BACE2: variants seen among roughly 807,000 people sequenced by gnomAD.
BACE2 encodes beta-secretase 2.
Under a neutral mutation model 46.2 loss-of-function variants are expected in BACE2, and 17 were observed. The ratio of observed to expected loss-of-function variants is 0.37; its 90% confidence interval spans 0.25 to 0.55. The LOEUF (loss-of-function observed/expected upper bound fraction) is 0.55. Ranked by LOEUF, BACE2 falls within the 20% of genes least tolerant of loss-of-function variation. The probability of loss-of-function intolerance (pLI) is 0.82; values close to 1 mark genes in which losing one functional copy is unlikely to be tolerated. For synonymous variants in BACE2, 277 were observed against 295.9 expected, an observed-to-expected ratio of 0.94 and a Z score of 0.66; for missense variants, 595 against 698.1, an observed-to-expected ratio of 0.85 and a Z score of 1.66.
At chr21:41,179,240 C>G (rs1984986750) in intron 1 of BACE2, 1 of 1,264,132 alleles carries the variant, frequency 7.9e-7, no homozygotes, top group South Asian at 1.4e-5. Flanking sequence ...TGAGGGTGTC[C>G]AGGGTGAGGA....
intron 3 of BACE2, among the ~76,000 whole-genome samples, chr21:41,239,498 C>T (rs929982186): frequency 1.6e-4 from 25 of 152,204 alleles, no homozygotes; most frequent in African/African-American, 6.0e-4. Flanking sequence ...GCACCTCAGC[C>T]TCCCAAGTAG....
chr21:41,263,437 A>G (rs1987989989), intron 8 of BACE2, among the ~76,000 whole-genome samples: 1 of 152,234 alleles, frequency 6.6e-6, no homozygotes, highest in South Asian at 2.1e-4. Context: ...ACATCCCAAA[A>G]GTCAACCAAA....
At position 41,226,342 on chromosome 21, in the gene BACE2, T is replaced by C; in HGVS notation, c.389T>C (p.Phe130Ser). 1 of 1,614,048 alleles carries C rather than the reference T, an allele frequency of 6.2e-7. No homozygotes were observed. The highest frequency in any genetic ancestry group is 1.1e-5 in the South Asian group (1 of 91,012). ...GTPHSYIDTY[F>S]DTERSSTYRS... is the part of the protein sequence containing the mutation. ...CCGCACTCCTACATAGACACGTACT[T>C]TGACACAGAGAGGTAAGCGCTGGCC... Residue 130 changes from phenylalanine to serine, a missense_variant, in exon 2 of 9, where the codon TTT becomes TCT. Around this residue, in one of 3 missense-constraint regions of BACE2, gnomAD observed 248 missense variants for 261.4 expected, o/e 0.95. Coordinates refer to ENST00000330333, the MANE Select transcript of BACE2 (RefSeq NM_012105.5).
chr21:41,266,957 TGTGTG>T, intron 8 of BACE2, among the ~76,000 whole-genome samples: 1 of 151,402 alleles, frequency 6.6e-6, no homozygotes, highest in African/African-American at 2.4e-5. Context: ...TGTGTGTGTG[TGTGTG>T]TGTGTGTGTG....
chr21:41,252,994 A>G (rs561281002), intron 7 of BACE2, among the ~76,000 whole-genome samples: 3 of 152,322 alleles, frequency 2.0e-5, no homozygotes, highest in South Asian at 2.1e-4. Context: ...TGAGCAAAGC[A>G]TTTAGCCCTG....
chr21:41,197,329 A>G (rs1052844682), intron 1 of BACE2, among the ~76,000 whole-genome samples: 1 of 139,494 alleles, frequency 7.2e-6, no homozygotes, highest in African/African-American at 2.7e-5. Flanking sequence ...ACATGATTTT[A>G]TTTCTCAGAA....
chr21:41,257,555 T>A (rs1057071170), intron 8 of BACE2, among the ~76,000 whole-genome samples: 1 of 152,204 alleles, frequency 6.6e-6, no homozygotes, highest in African/African-American at 2.4e-5. Flanking sequence ...AAATGCTTAC[T>A]GAGTGTGAGT....
intron 8 of BACE2, among the ~76,000 whole-genome samples, chr21:41,264,091 C>T (rs1227287723): frequency 6.6e-6 from 1 of 152,116 alleles, no homozygotes; most frequent in African/African-American, 2.4e-5. Context: ...TTATATTGGC[C>T]TAATTCTCTG....
intron 1 of BACE2, among the ~76,000 whole-genome samples, chr21:41,194,917 T>G (rs1453400679): frequency 1.3e-5 from 2 of 152,228 alleles, no homozygotes; most frequent in African/African-American, 4.8e-5. Flanking sequence ...TTTGTTGATG[T>G]TATTGGCAGG....
rs1158435451 is a variant in BACE2 at position 41,276,339 on chromosome 21, G to A, written c.*715G>A. ...CTCTTTTGTACCCAATACTTATGTT[G>A]TATTGTTGGTGCGAAAGTAAAAACA... On this transcript the variant is annotated 3_prime_UTR_variant, in exon 9 of 9. Transcript: ENST00000330333. 1 of 152,188 alleles carries A rather than the reference G, an allele frequency of 6.6e-6. No homozygotes were observed. The highest frequency in any genetic ancestry group is 6.5e-5 in the Admixed American group (1 of 15,276). 9.4% of individuals were successfully genotyped at this position (152,188 alleles called of 1,614,324 possible). A position where few individuals can be genotyped will look rare whatever the true frequency, so the allele number is the denominator to read the frequency against.
intron 7 of BACE2, among the ~76,000 whole-genome samples, chr21:41,251,153 A>G (rs1987625241): frequency 6.6e-6 from 1 of 152,106 alleles, no homozygotes; most frequent in Non-Finnish European, 1.5e-5. Flanking sequence ...CTGGTGTAGG[A>G]TGGTCTCACT....
chr21:41,254,306 G>C (rs1002026434), intron 7 of BACE2, among the ~76,000 whole-genome samples: 1 of 152,110 alleles, frequency 6.6e-6, no homozygotes, highest in Non-Finnish European at 1.5e-5. Flanking sequence ...TACTTGACCT[G>C]CTCTTCAGTG....
chr21:41,252,157 G>A (rs955686253), intron 7 of BACE2, among the ~76,000 whole-genome samples: 15 of 152,026 alleles, frequency 9.9e-5, no homozygotes, highest in African/African-American at 3.1e-4. Context: ...TAAGCAGTGC[G>A]TCCCCATGAT....
intron 1 of BACE2, among the ~76,000 whole-genome samples, chr21:41,201,196 G>A (rs555419316): frequency 4.6e-5 from 7 of 152,318 alleles, no homozygotes; most frequent in Middle Eastern, 3.4e-3. Flanking sequence ...TTTATCTTAC[G>A]CAGTCTTTTG....
intron 2 of BACE2, among the ~76,000 whole-genome samples, chr21:41,235,516 T>G (rs145098768): frequency 8.4e-4 from 128 of 152,210 alleles, no homozygotes; most frequent in Non-Finnish European, 2.1e-4. Flanking sequence ...ACATTTTTGA[T>G]GCTTATGAGA....
rs1287570514 is a variant in BACE2 at position 41,246,016 on chromosome 21, C to T, written c.937C>T (p.Gln313Ter). 1 of 1,611,416 alleles carries T rather than the reference C, an allele frequency of 6.2e-7. No individual in the cohort carries two copies. The highest frequency in any genetic ancestry group is 1.7e-5 in the Admixed American group (1 of 59,790). Reference sequence around the variant, plus strand: ...TGGCACCACGCTGCTGCGCCTGCCCCAGAAGGTGTTTGATGCGGTGGTGGA... The same window carrying T: ...TGGCACCACGCTGCTGCGCCTGCCCTAGAAGGTGTTTGATGCGGTGGTGGA... ...DSGTTLLRLPQKVFDAVVEAV... is the reference protein window; with the variant it reads ...DSGTTLLRLP Residue 313 changes from glutamine (Q) to a stop codon, truncating the protein, a stop_gained, in exon 6 of 9, where the codon CAG (glutamine) becomes TAG (stop). Transcript: ENST00000330333. LOFTEE classifies it high-confidence loss of function.
intron 1 of BACE2, among the ~76,000 whole-genome samples, chr21:41,173,868 T>C (rs1984694739): frequency 6.6e-6 from 1 of 152,188 alleles, no homozygotes. Flanking sequence ...TAAATACCTA[T>C]GAGTAATAAA....
intron 3 of BACE2, among the ~76,000 whole-genome samples, chr21:41,239,318 C>T (rs1375027505): frequency 2.0e-5 from 3 of 152,162 alleles, no homozygotes; most frequent in Non-Finnish European, 4.4e-5. Flanking sequence ...ACTCAGTGCT[C>T]AGGACTCCCC....
chr21:41,192,834 T>C (rs556630916), intron 1 of BACE2, among the ~76,000 whole-genome samples: 1 of 152,346 alleles, frequency 6.6e-6, no homozygotes, highest in Non-Finnish European at 1.5e-5. Flanking sequence ...ATGAGGAATG[T>C]GTTCCCTCCG....
Sources: allele counts gnomAD v4.1 joint callset (sites outside exome capture counted in the v4.1 genomes callset), GRCh38; gene constraint gnomAD v4.1.1; regional missense constraint gnomAD v4.1.1; transcripts MANE v1.5; gene names NCBI Gene and HGNC (gene_info 2026-07-23, HGNC 2026-07-21).